The following CFH variants were observed in gnomAD, a reference collection of about 807,000 sequenced individuals.
The protein encoded by CFH is H factor 1 (complement).
Under a neutral mutation model 147.3 loss-of-function variants are expected in CFH, and 53 were observed. The observed-to-expected ratio is 0.36, with a 90% CI of 0.29 to 0.45. CFH has a LOEUF of 0.45. Among genes scored for constraint, CFH ranks in the 20% least tolerant of loss-of-function variants. CFH has a pLI of 1.00. For missense variants in CFH, 1,380 were observed against 1,498.0 expected, an observed-to-expected ratio of 0.92 and a Z score of 1.30; for synonymous variants, 536 against 489.4, an observed-to-expected ratio of 1.10 and a Z score of -1.26.
At chr1:196,737,409 T>C in intron 16 of CFH, 66 bp from the exon 17 acceptor site, 1 of 1,114,398 alleles carries the variant, frequency 9.0e-7, no homozygotes, top group Non-Finnish European at 1.3e-6. Flanking sequence ...AAATAGTATT[T>C]AGTTTTATAT....
intron 10 of CFH, among the ~76,000 whole-genome samples, chr1:196,714,668 T>TATATATAG (rs1362376856): frequency 7.5e-4 from 16 of 21,308 alleles, no homozygotes; most frequent in Non-Finnish European, 1.1e-3. Flanking sequence ...TATATATATA[T>TATATATAG]AGAGAGAGAG....
At chr1:196,728,757 A>T (rs1041480018) in intron 15 of CFH, among the ~76,000 whole-genome samples, 1 of 151,528 alleles carries the variant, frequency 6.6e-6, no homozygotes, top group Non-Finnish European at 1.5e-5. Flanking sequence ...ACACACACAC[A>T]CATAAACCAG....
chr1:196,736,542 C>A (rs34789365), intron 15 of CFH, among the ~76,000 whole-genome samples: 2,215 of 151,770 alleles, frequency 0.015, 58 homozygotes, highest in African/African-American at 0.05. Context: ...ATAAATTATG[C>A]AAATTTATTA....
chr1:196,726,418 A>G (rs1245503252), intron 12 of CFH, 52 bp from the exon 13 acceptor site: 16 of 1,380,276 alleles, frequency 1.2e-5, no homozygotes, highest in Non-Finnish European at 1.6e-5. Context: ...CTGAATTTTT[A>G]TATTGTAAAA....
chr1:196,736,778 T>G lies in CFH; in HGVS notation c.2414-46T>G, dbSNP rs571148521. On this transcript the variant is annotated intron_variant, in intron 15 of 21. Coordinates refer to ENST00000367429, the MANE Select transcript of CFH (RefSeq NM_000186.4). ...AAATTCTAATTTTAATATTTTTATT[T>G]TTTATTTTTTATTATAACATTAATT... 3.0e-4 allele frequency: 287 copies of G among 970,968 alleles called. No individual in the cohort carries two copies. The African/African-American group carries it at 4.7e-3, about 16-fold the overall frequency. 60.1% of individuals were successfully genotyped at this position (970,968 alleles called of 1,614,324 possible).
chr1:196,710,092 A>G (rs545189061), intron 9 of CFH, among the ~76,000 whole-genome samples: 1 of 152,144 alleles, frequency 6.6e-6, no homozygotes, highest in South Asian at 2.1e-4. Flanking sequence ...AGAGCCCAGC[A>G]AAAAGCTGAC....
chr1:196,707,804 C>T (rs556519685), intron 9 of CFH, among the ~76,000 whole-genome samples: 2 of 152,216 alleles, frequency 1.3e-5, no homozygotes, highest in African/African-American at 4.8e-5. Context: ...GTCTTCTTGA[C>T]AACTACAATA....
intron 2 of CFH, 80 bp from the exon 3 acceptor site, chr1:196,673,777 A>T: frequency 1.2e-6 from 1 of 868,428 alleles, no homozygotes. Context: ...ATAATATCAA[A>T]TATACTTGTT....
rs768995358 is a variant in CFH at position 196,725,151 on chromosome 1, T to C, written c.1727T>C (p.Val576Ala). ...ERECELPKIDVHLVPDRKKDQ... is the reference protein window; with the variant it reads ...ERECELPKIDAHLVPDRKKDQ... ...GAATGCGAACTTCCTAAAATAGATG[T>C]ACACTTAGTTCCTGATCGCAAGAAA... The change falls in exon 12 of 22, where the codon GTA (valine) becomes GCA (alanine). Residue 576 changes from valine (V) to alanine (A), a missense_variant. Physicochemically the swap from Val to Ala is moderately conservative, Grantham distance 64. This residue lies in a region of CFH where 830 missense variants were observed against 821.4 expected (regional missense o/e 1.01). Transcript: ENST00000367429. The C allele has an allele frequency of 1.2e-6, 2 of 1,613,660 alleles. No individual in the cohort carries two copies. The highest frequency in any genetic ancestry group is 1.7e-5 in the Admixed American group (1 of 60,008).
intron 3 of CFH, 84 bp downstream of exon 3, chr1:196,674,046 A>G (rs1667376441): frequency 1.0e-6 from 1 of 958,288 alleles, no homozygotes; most frequent in Non-Finnish European, 1.6e-6. Context: ...AGGTTATTAT[A>G]TTTTTCTATG....
chr1:196,705,678 T>C (rs1385572925), intron 9 of CFH, among the ~76,000 whole-genome samples: 2 of 152,142 alleles, frequency 1.3e-5, no homozygotes, highest in Non-Finnish European at 2.9e-5. Flanking sequence ...AGCTGGACAT[T>C]GTTATGATGG....
At chr1:196,734,380 C>T (rs1669351073) in intron 15 of CFH, among the ~76,000 whole-genome samples, 1 of 152,022 alleles carries the variant, frequency 6.6e-6, no homozygotes, top group South Asian at 2.1e-4. Context: ...ACATCACTCC[C>T]TGCCTAGCTC....
chr1:196,694,178 C>A (rs1327016982), intron 9 of CFH, among the ~76,000 whole-genome samples: 1 of 151,942 alleles, frequency 6.6e-6, no homozygotes, highest in African/African-American at 2.4e-5. Flanking sequence ...CCAACAAGCC[C>A]CGGTGTGTGA....
Position 196,713,743 on chromosome 1 carries a change from T to C in CFH, c.1345T>C (p.Ser449Pro). 6.3e-7 allele frequency: 1 copy of C among 1,583,648 alleles called. No individual in the cohort carries two copies. The highest frequency in any genetic ancestry group is 1.1e-5 in the South Asian group (1 of 90,062). Reference protein sequence around the residue: ...TPRCIRVKTCSKSSIDIENGF... With the variant: ...TPRCIRVKTCPKSSIDIENGF... Reference sequence around the variant, plus strand: ...ATTCTCTTCCCTTTTAGAAACATGTTCCAAATCAAGTATAGATATTGAGAA... The same window carrying C: ...ATTCTCTTCCCTTTTAGAAACATGTCCCAAATCAAGTATAGATATTGAGAA... Residue 449 changes from serine to proline, a missense_variant, in exon 10 of 22, where the codon TCC becomes CCC. Transcript: ENST00000367429.
chr1:196,673,425 C>T (rs762138401), intron 2 of CFH: 2 of 446,730 alleles, frequency 4.5e-6, no homozygotes, highest in Non-Finnish European at 8.1e-6. Flanking sequence ...CAACCTCTGC[C>T]TCCCTGGTTC....
chr1:196,690,531 G>A lies in CFH; in HGVS notation c.1336+292G>A, dbSNP rs748297448. ...GAAGTCGTATTGAAGCGGCATCATTGTCTGGGTAAATATCTGAGGTTCGTT... is the reference window on the plus strand; with the variant it reads ...GAAGTCGTATTGAAGCGGCATCATTATCTGGGTAAATATCTGAGGTTCGTT... On this transcript the variant is annotated intron_variant, in intron 9 of 21. Coordinates refer to ENST00000367429, the MANE Select transcript of CFH (RefSeq NM_000186.4). 2.2e-5 allele frequency: 10 copies of A among 445,298 alleles called. 1 individual carries two copies. The highest frequency in any genetic ancestry group is 7.1e-4 in the Middle Eastern group (1 of 1,410). 27.6% of individuals were successfully genotyped at this position (445,298 alleles called of 1,614,324 possible).
chr1:196,721,049 A>G lies in CFH; in HGVS notation c.1697-4072A>G, dbSNP rs189711360. Among the ~76,000 whole-genome samples, 232 of 151,952 alleles carry G rather than the reference A, an allele frequency of 1.5e-3. 1 individual carries two copies. In the Middle Eastern group the frequency reaches 0.027, roughly 18 times the overall value. On this transcript the variant is annotated intron_variant, in intron 11 of 21. Coordinates refer to ENST00000367429, the MANE Select transcript of CFH (RefSeq NM_000186.4). ...TTTTTTAATTCGCATTTCTCTGATG[A>G]TTACTGATATTGAGTTTTTATTTCA...
chr1:196,669,760 C>A (rs975664488), intron 1 of CFH, among the ~76,000 whole-genome samples: 31 of 152,162 alleles, frequency 2.0e-4, no homozygotes, highest in African/African-American at 6.3e-4. Flanking sequence ...GGATTGGAGC[C>A]CCCACACAGA....
chr1:196,678,883 G>A (rs1667547486), intron 5 of CFH: 2 of 151,968 alleles, frequency 1.3e-5, no homozygotes, highest in African/African-American at 2.4e-5. Flanking sequence ...AATAGAAGGT[G>A]GGCCAATACA....
Sources: allele counts gnomAD v4.1 joint callset (sites outside exome capture counted in the v4.1 genomes callset), GRCh38; gene constraint gnomAD v4.1.1; regional missense constraint gnomAD v4.1.1; transcripts MANE v1.5; gene names NCBI Gene and HGNC (gene_info 2026-07-23, HGNC 2026-07-21).